VPS8: variants seen among roughly 807,000 people sequenced by gnomAD.
The protein encoded by VPS8 is vacuolar protein sorting-associated protein 8 homolog.
In VPS8, 129 loss-of-function variants were observed where a neutral mutation model predicts 216.4. The observed-to-expected ratio is 0.60, with a 90% confidence interval of 0.52 to 0.69. The LOEUF (loss-of-function observed/expected upper bound fraction) is 0.69, where lower values mean the gene tolerates loss of function less well. VPS8 is among the 30% of genes least tolerant of loss of function. VPS8 has a pLI of 0.00. For synonymous variants in VPS8, 571 were observed against 565.4 expected (o/e 1.01, Z -0.14); for missense variants, 1,531 against 1,683.5 (o/e 0.91, Z 1.59).
At chr3:185,002,232 C>T (rs907531241) in intron 45 of VPS8, among the ~76,000 whole-genome samples, 2 of 152,036 alleles carry the variant, frequency 1.3e-5, no homozygotes, top group African/African-American at 4.8e-5. Context: ...AGTCTGTAAC[C>T]TTTATATCAT....
intron 21 of VPS8, among the ~76,000 whole-genome samples, chr3:184,880,771 G>A (rs950779193): frequency 1.3e-5 from 2 of 152,266 alleles, no homozygotes; most frequent in South Asian, 2.1e-4. Flanking sequence ...GTACCATTTC[G>A]CATTCCCCTA....
intron 40 of VPS8, among the ~76,000 whole-genome samples, chr3:184,977,213 C>T (rs1447622086): frequency 2.6e-5 from 4 of 152,166 alleles, no homozygotes; most frequent in Non-Finnish European, 4.4e-5. Context: ...ATTAGTGATG[C>T]GTAGCATTTT....
At chr3:185,031,934 C>T (rs1037368414) in intron 46 of VPS8, among the ~76,000 whole-genome samples, 12 of 152,116 alleles carry the variant, frequency 7.9e-5, no homozygotes, top group Non-Finnish European at 1.6e-4. Flanking sequence ...GAAGCCGAGA[C>T]GGGCAGATCA....
intron 27 of VPS8, 85 bp downstream of exon 27, chr3:184,915,138 G>A (rs902567576): frequency 6.1e-6 from 9 of 1,478,148 alleles, no homozygotes; most frequent in South Asian, 2.3e-5. Flanking sequence ...AGGCTTACAC[G>A]TGGGTCAGGA....
chr3:184,934,373 G>A (rs950518067), intron 34 of VPS8, among the ~76,000 whole-genome samples: 4 of 151,946 alleles, frequency 2.6e-5, no homozygotes, highest in African/African-American at 7.2e-5. Context: ...GTTTTGCCAT[G>A]TTGGCCAGGC....
In VPS8 at chr3:184,915,355, G is replaced by T; in HGVS notation, c.2263G>T (p.Val755Phe). ...EDLVPLVKNQVFEFLIRLHSA... is the reference protein window; with the variant it reads ...EDLVPLVKNQFFEFLIRLHSA... ...TCAACATTTTTTTCCCAACTTGCAG[G>T]TTTTTGAATTTCTAATTCGCCTGCA... The change falls in exon 28 of 48, where the codon GTT becomes TTT. Residue 755 changes from valine (V) to phenylalanine (F), a missense_variant and splice_region_variant. Physicochemically the swap from Val to Phe is conservative, Grantham distance 50. Coordinates refer to ENST00000625842, the MANE Select transcript of VPS8 (RefSeq NM_001009921.3). The T allele has an allele frequency of 6.2e-7, 1 of 1,611,182 alleles. No individual in the cohort carries two copies. The highest frequency in any genetic ancestry group is 8.5e-7 in the Non-Finnish European group (1 of 1,178,784).
intron 46 of VPS8, among the ~76,000 whole-genome samples, chr3:185,036,956 T>G (rs1397826482): frequency 6.6e-6 from 1 of 152,078 alleles, no homozygotes; most frequent in African/African-American, 2.4e-5. Context: ...GCCCAACATT[T>G]TATTATACAC....
At chr3:184,957,970 C>T (rs1303599938) in intron 37 of VPS8, among the ~76,000 whole-genome samples, 1 of 152,218 alleles carries the variant, frequency 6.6e-6, no homozygotes, top group Non-Finnish European at 1.5e-5. Context: ...AATGTATGTC[C>T]TGCTATCAGG....
chr3:185,017,326 C>G (rs1388237128), intron 45 of VPS8, among the ~76,000 whole-genome samples: 1 of 152,148 alleles, frequency 6.6e-6, no homozygotes, highest in African/African-American at 2.4e-5. Context: ...GCTCCTGTAT[C>G]TACCAAACCC....
At chr3:184,818,915 G>A (rs1455510797) in intron 1 of VPS8, among the ~76,000 whole-genome samples, 10 of 152,184 alleles carry the variant, frequency 6.6e-5, no homozygotes, top group South Asian at 4.1e-4. Flanking sequence ...GCTGGTAGTT[G>A]CAGCTACTTG....
intron 30 of VPS8, 44 bp from the exon 31 acceptor site, chr3:184,926,550 T>C: frequency 6.5e-7 from 1 of 1,533,688 alleles, no homozygotes; most frequent in Non-Finnish European, 8.8e-7. Context: ...AGTATTAATG[T>C]CTAGATGCTG....
At chr3:184,856,110 T>C (rs1725205040) in intron 14 of VPS8, among the ~76,000 whole-genome samples, 1 of 152,238 alleles carries the variant, frequency 6.6e-6, no homozygotes, top group Non-Finnish European at 1.5e-5. Context: ...TATGTGCAAC[T>C]ACATATGTGT....
chr3:184,855,480 T>G (rs1725065776), intron 13 of VPS8, among the ~76,000 whole-genome samples: 1 of 152,216 alleles, frequency 6.6e-6, no homozygotes, highest in South Asian at 2.1e-4. Flanking sequence ...TTGCTGAACT[T>G]TGACAAATGC....
chr3:184,972,125 G>A (rs1748526032), intron 40 of VPS8, among the ~76,000 whole-genome samples: 1 of 150,768 alleles, frequency 6.6e-6, no homozygotes, highest in Admixed American at 6.6e-5. Flanking sequence ...AATCAGTTCT[G>A]TTTCCACTGC....
chr3:184,980,310 A>G (rs959534911), intron 40 of VPS8, among the ~76,000 whole-genome samples: 2 of 151,690 alleles, frequency 1.3e-5, no homozygotes, highest in African/African-American at 4.9e-5. Context: ...GGTTCTCTGC[A>G]TTTCCTGAGT....
intron 10 of VPS8, among the ~76,000 whole-genome samples, chr3:184,850,549 A>G (rs1014501843): frequency 6.6e-6 from 1 of 152,210 alleles, no homozygotes; most frequent in Non-Finnish European, 1.5e-5. Flanking sequence ...TCTAAAGGGA[A>G]AGCATTAAGA....
chr3:184,843,254 A>G lies in VPS8; in HGVS notation c.541+9A>G, dbSNP rs1165475505. 1.4e-6 allele frequency: 2 copies of G among 1,402,384 alleles called. No homozygotes were observed. Among genetic ancestry groups the G allele is most frequent in the Non-Finnish European group, 9.4e-7 (1 of 1,061,158 alleles). The allele number at this position is 1,402,384 out of a possible 1,614,324, so 86.9% of individuals were successfully genotyped here. ...GGATTCAAAAGGAAAAGGTATAGTA[A>G]GTAATTTTAGTTTGCATGAATGGTT... On this transcript the variant is annotated intron_variant, in intron 8 of 47. Coordinates refer to ENST00000625842, the MANE Select transcript of VPS8 (RefSeq NM_001009921.3).
intron 26 of VPS8, among the ~76,000 whole-genome samples, chr3:184,913,940 A>G (rs554771822): frequency 1.3e-4 from 20 of 152,354 alleles, no homozygotes; most frequent in African/African-American, 4.6e-4. Flanking sequence ...TATGTTTACT[A>G]GTGACACCTA....
intron 46 of VPS8, among the ~76,000 whole-genome samples, chr3:185,041,991 G>A (rs1309802338): frequency 6.6e-6 from 1 of 152,206 alleles, no homozygotes; most frequent in African/African-American, 2.4e-5. Context: ...GGTGCTTGGT[G>A]CAGTCTGCTG....
Sources: gnomAD v4.1 joint callset for allele counts (sites outside exome capture counted in the v4.1 genomes callset) on GRCh38, gnomAD v4.1.1 for gene constraint, MANE v1.5 for transcripts, NCBI Gene and HGNC (gene_info 2026-07-23, HGNC 2026-07-21) for gene names.